The following AKAP6 variants were observed in gnomAD, a reference collection of about 807,000 sequenced individuals.
The protein encoded by AKAP6 is A-kinase anchor protein 6.
AKAP6 carries 58 observed loss-of-function variants against 188.5 expected under a neutral mutation model. The ratio of observed to expected loss-of-function variants is 0.31; its 90% confidence interval spans 0.25 to 0.38. The LOEUF (loss-of-function observed/expected upper bound fraction) is 0.38, where lower values mean the gene tolerates loss of function less well. AKAP6 is among the 10% of genes least tolerant of loss of function. The pLI is 1.00. For missense variants in AKAP6, 2,710 were observed against 2,740.0 expected, an observed-to-expected ratio of 0.99 and a Z score of 0.24; for synonymous variants, 989 against 998.6, an observed-to-expected ratio of 0.99 and a Z score of 0.18.
At chr14:32,687,175 A>G (rs1293681545) in intron 8 of AKAP6, among the ~76,000 whole-genome samples, 1 of 152,174 alleles carries the variant, frequency 6.6e-6, no homozygotes, top group Admixed American at 6.5e-5. Flanking sequence ...AACATCCCCA[A>G]AGAGAAGTGA....
At position 32,836,664 on chromosome 14, in the gene AKAP6, C is replaced by T. The variant is rs1437163504; in HGVS notation, c.*6859C>T. ...TCTAATTCATACTCAAAAAAGTATT[C>T]CAAAATTTTGGTACTCTATTATGGG... On this transcript the variant is annotated 3_prime_UTR_variant, in exon 14 of 14. Coordinates refer to ENST00000280979, the MANE Select transcript of AKAP6 (RefSeq NM_004274.5). 2.0e-5 allele frequency: 3 copies of T among 152,058 alleles called. No individual in the cohort carries two copies. The highest frequency in any genetic ancestry group is 4.4e-5 in the Non-Finnish European group (3 of 68,026). The allele number at this position is 152,058 out of a possible 1,614,324, so 9.4% of individuals were successfully genotyped here. A position where few individuals can be genotyped will look rare whatever the true frequency, so the allele number is the denominator to read the frequency against.
intron 7 of AKAP6, among the ~76,000 whole-genome samples, chr14:32,610,721 T>C (rs1196691730): frequency 2.0e-5 from 3 of 152,080 alleles, no homozygotes; most frequent in African/African-American, 4.8e-5. Flanking sequence ...ATTCCTAACA[T>C]AGGAAATAGC....
intron 1 of AKAP6, among the ~76,000 whole-genome samples, chr14:32,375,159 T>A (rs1428696295): frequency 6.6e-6 from 1 of 152,020 alleles, no homozygotes; most frequent in Non-Finnish European, 1.5e-5. Context: ...CACCCAAATG[T>A]GGGGAGGGAA....
rs183213282 is a variant in AKAP6 at position 32,679,710 on chromosome 14, G to A, written c.2879+1251G>A. On this transcript the variant is annotated intron_variant, in intron 8 of 13. Coordinates refer to ENST00000280979, the MANE Select transcript of AKAP6 (RefSeq NM_004274.5). Reference sequence around the variant, plus strand: ...AATTGAGAGTCATAATTCTGTTTAGGAAATGAAAAGGGAGTTTTCAAGTTT... The same window carrying A: ...AATTGAGAGTCATAATTCTGTTTAGAAAATGAAAAGGGAGTTTTCAAGTTT... Among the ~76,000 whole-genome samples, 418 of 152,152 alleles carry A rather than the reference G, an allele frequency of 2.7e-3. 7 individuals carry two copies. The highest frequency in any genetic ancestry group is 9.3e-3 in the South Asian group (45 of 4,820).
intron 2 of AKAP6, among the ~76,000 whole-genome samples, chr14:32,488,737 C>A (rs779060966): frequency 6.6e-6 from 1 of 152,162 alleles, no homozygotes; most frequent in Admixed American, 6.5e-5. Flanking sequence ...CCAGATAGCA[C>A]GGTCCTTCAC....
intron 7 of AKAP6, among the ~76,000 whole-genome samples, chr14:32,644,248 G>A (rs901499005): frequency 2.0e-5 from 3 of 152,160 alleles, no homozygotes; most frequent in African/African-American, 7.2e-5. Flanking sequence ...TATTCTTCAG[G>A]AATTTGAAGG....
chr14:32,816,312 C>T (rs1029167648), intron 12 of AKAP6, among the ~76,000 whole-genome samples: 1 of 152,092 alleles, frequency 6.6e-6, no homozygotes, highest in African/African-American at 2.4e-5. Flanking sequence ...TCCACCTCAG[C>T]CTCCAGAGTA....
intron 1 of AKAP6, among the ~76,000 whole-genome samples, chr14:32,425,989 T>C (rs76176881): frequency 6.6e-6 from 1 of 152,312 alleles, no homozygotes; most frequent in Admixed American, 6.5e-5. Context: ...GGTTTTACAT[T>C]TAAGTCTTTA....
At chr14:32,457,463 A>G (rs1377247140) in intron 2 of AKAP6, among the ~76,000 whole-genome samples, 2 of 152,178 alleles carry the variant, frequency 1.3e-5, no homozygotes, top group African/African-American at 2.4e-5. Context: ...TATAACAAAT[A>G]TGGTGAGAGT....
intron 5 of AKAP6, among the ~76,000 whole-genome samples, chr14:32,589,822 T>C (rs1449118175): frequency 6.6e-6 from 1 of 152,140 alleles, no homozygotes; most frequent in African/African-American, 2.4e-5. Context: ...ATACAAAGCA[T>C]TGAAGAAAAA....
rs1007802981 is a variant in AKAP6, at chr14:32,837,306, C to T, written c.*7501C>T. 2 of 152,182 alleles carry T rather than the reference C, an allele frequency of 1.3e-5. No homozygotes were observed. Among genetic ancestry groups the T allele is most frequent in the Admixed American group, 6.5e-5 (1 of 15,280 alleles). 9.4% of individuals were successfully genotyped at this position (152,182 alleles called of 1,614,324 possible). A position where few individuals can be genotyped will look rare whatever the true frequency, so the allele number is the denominator to read the frequency against. On this transcript the variant is annotated 3_prime_UTR_variant, in exon 14 of 14. Transcript: ENST00000280979. ...AAACATTTCTTTGTCCTTACTTAAA[C>T]CTAACCTGCCATTTTAAAAGACACC...
intron 7 of AKAP6, among the ~76,000 whole-genome samples, chr14:32,640,992 T>C (rs987320029): frequency 6.6e-6 from 1 of 152,194 alleles, no homozygotes; most frequent in East Asian, 1.9e-4. Context: ...CTACTGCAAT[T>C]GGATGTACCA....
chr14:32,383,168 G>A (rs948190691), intron 1 of AKAP6, among the ~76,000 whole-genome samples: 2 of 150,270 alleles, frequency 1.3e-5, no homozygotes, highest in Non-Finnish European at 3.0e-5. Flanking sequence ...AGAAGCTGAA[G>A]ATGAAACTAC....
At chr14:32,452,700 C>T (rs1426035709) in intron 2 of AKAP6, among the ~76,000 whole-genome samples, 3 of 152,102 alleles carry the variant, frequency 2.0e-5, no homozygotes, top group Non-Finnish European at 4.4e-5. Context: ...GCATGTTTTA[C>T]ATTTTAGTAC....
intron 2 of AKAP6, among the ~76,000 whole-genome samples, chr14:32,530,398 T>G (rs1020969550): frequency 6.6e-6 from 1 of 152,072 alleles, no homozygotes; most frequent in Non-Finnish European, 1.5e-5. Flanking sequence ...TTTGTGCAAC[T>G]TTGTGGAACT....
chr14:32,580,692 A>G lies in AKAP6; in HGVS notation c.2469+3450A>G, dbSNP rs539954120. On this transcript the variant is annotated intron_variant, in intron 5 of 13. Coordinates refer to ENST00000280979, the MANE Select transcript of AKAP6 (RefSeq NM_004274.5). ...AGCATTAGGTATATCTCCTAATGCT[A>G]TCCCTCCCCACTCCCCCCACCCCAC... Among the ~76,000 whole-genome samples, 14 of 152,108 alleles carry G rather than the reference A, an allele frequency of 9.2e-5. No individual in the cohort carries two copies. In the South Asian group the frequency reaches 2.1e-3, roughly 23 times the overall value.
At chr14:32,576,740 C>T (rs769429886) in intron 4 of AKAP6, among the ~76,000 whole-genome samples, 4 of 152,108 alleles carry the variant, frequency 2.6e-5, no homozygotes, top group Non-Finnish European at 5.9e-5. Flanking sequence ...TTTGGCAATC[C>T]CCCAAAGCCA....
rs539032588 is a variant in AKAP6, at chr14:32,814,465, C to T, written c.3589-6937C>T. ...AGTCTCATTCATCTCTGCAGATTTA[C>T]CTATTCTGGATACTTTATATAAATG... On this transcript the variant is annotated intron_variant, in intron 12 of 13. Transcript: ENST00000280979. Among the ~76,000 whole-genome samples, 6 of 152,256 alleles carry T rather than the reference C, an allele frequency of 3.9e-5. No individual in the cohort carries two copies. In the South Asian group the frequency reaches 1.0e-3, roughly 26 times the overall value.
At chr14:32,620,417 G>A (rs921620501) in intron 7 of AKAP6, among the ~76,000 whole-genome samples, 1 of 152,106 alleles carries the variant, frequency 6.6e-6, no homozygotes, top group Admixed American at 6.6e-5. Context: ...CATCTACTGA[G>A]ATGATCATGT....
Sources: gnomAD v4.1 joint callset for allele counts (sites outside exome capture counted in the v4.1 genomes callset) on GRCh38, gnomAD v4.1.1 for gene constraint, MANE v1.5 for transcripts, NCBI Gene and HGNC (gene_info 2026-07-23, HGNC 2026-07-21) for gene names.